ESR1: variants seen among roughly 807,000 people sequenced by gnomAD.
The protein encoded by ESR1 is estrogen receptor 1, also known as estrogen receptor.
Under a neutral mutation model 52.7 loss-of-function variants are expected in ESR1, and 12 were observed. The observed-to-expected ratio is 0.23, with a 90% CI of 0.15 to 0.37. ESR1 has a LOEUF of 0.37. Among genes scored for constraint, ESR1 ranks in the 10% least tolerant of loss-of-function variants. The pLI is 1.00. For missense variants in ESR1, 584 were observed against 779.7 expected, an observed-to-expected ratio of 0.75 and a Z score of 2.99; for synonymous variants, 305 against 316.8, an observed-to-expected ratio of 0.96 and a Z score of 0.39.
chr6:152,010,195 T>C (rs537012241), intron 4 of ESR1, among the ~76,000 whole-genome samples: 2 of 152,254 alleles, frequency 1.3e-5, no homozygotes, highest in African/African-American at 4.8e-5. Flanking sequence ...TGAAAGATGA[T>C]ACTTAAGCAT....
At chr6:151,675,567 A>T (rs1046105127) in intron 1 of ESR1, among the ~76,000 whole-genome samples, 5 of 152,148 alleles carry the variant, frequency 3.3e-5, no homozygotes, top group African/African-American at 1.2e-4. Flanking sequence ...AGTGTTACAA[A>T]AATGGTCACA....
At chr6:151,925,342 C>G (rs763238646) in intron 3 of ESR1, among the ~76,000 whole-genome samples, 57 of 152,176 alleles carry the variant, frequency 3.7e-4, no homozygotes, top group Non-Finnish European at 6.3e-4. Flanking sequence ...CGCAGTGGCT[C>G]ACGCCTGTAA....
chr6:152,008,808 C>G (rs967732389), intron 4 of ESR1, among the ~76,000 whole-genome samples: 1 of 151,588 alleles, frequency 6.6e-6, no homozygotes, highest in Admixed American at 6.6e-5. Flanking sequence ...AACATTTATG[C>G]AATAAGTTTA....
chr6:151,944,799 C>G (rs2035510793), intron 4 of ESR1, among the ~76,000 whole-genome samples: 1 of 152,172 alleles, frequency 6.6e-6, no homozygotes, highest in African/African-American at 2.4e-5. Flanking sequence ...CATGGTAAAA[C>G]TATTTAATAG....
chr6:151,997,081 C>CAA (rs148073416), intron 4 of ESR1, among the ~76,000 whole-genome samples: 41 of 145,158 alleles, frequency 2.8e-4, no homozygotes, highest in African/African-American at 8.1e-4. Context: ...AAAACAAAAA[C>CAA]AAAAAAAAAA....
chr6:151,948,725 A>G (rs2035990599), intron 4 of ESR1, among the ~76,000 whole-genome samples: 1 of 151,898 alleles, frequency 6.6e-6, no homozygotes, highest in Non-Finnish European at 1.5e-5. Context: ...GGGGTAGGCA[A>G]TCTCCTCTTT....
chr6:151,664,938 GAA>G (rs1777769559), intron 1 of ESR1, among the ~76,000 whole-genome samples: 1 of 152,194 alleles, frequency 6.6e-6, no homozygotes, highest in Non-Finnish European at 1.5e-5. Context: ...TTGGGTTTAT[GAA>G]GTATTTTTCC....
At chr6:151,709,648 AC>A (rs1318403633) in intron 2 of ESR1, among the ~76,000 whole-genome samples, 1 of 151,960 alleles carries the variant, frequency 6.6e-6, no homozygotes, top group Non-Finnish European at 1.5e-5. Flanking sequence ...TTTTCATAAT[AC>A]CCATTCTAAC....
chr6:151,990,951 A>C (rs2040953226), intron 4 of ESR1, among the ~76,000 whole-genome samples: 1 of 152,208 alleles, frequency 6.6e-6, no homozygotes, highest in African/African-American at 2.4e-5. Context: ...CACTAAAAAG[A>C]AAAATGACAA....
At chr6:151,763,729 C>T (rs1262191174) in intron 2 of ESR1, among the ~76,000 whole-genome samples, 2 of 152,158 alleles carry the variant, frequency 1.3e-5, no homozygotes, top group Admixed American at 1.3e-4. Context: ...AGCCCAGGTG[C>T]CTTTCTAAGA....
chr6:151,880,268 C>T (rs935131815), intron 2 of ESR1, among the ~76,000 whole-genome samples: 5 of 150,628 alleles, frequency 3.3e-5, no homozygotes, highest in Admixed American at 1.3e-4. Flanking sequence ...CTGCAACCTC[C>T]GCCTCCCGGG....
At chr6:152,044,735 A>G (rs6926520) in intron 5 of ESR1, among the ~76,000 whole-genome samples, 53,296 of 152,096 alleles carry the variant, frequency 0.35, 10,692 homozygotes, top group African/African-American at 0.53. Flanking sequence ...TAGTCCTTCC[A>G]TGTTCCTCTG....
At chr6:151,909,272 C>T (rs1418035953) in intron 3 of ESR1, among the ~76,000 whole-genome samples, 1 of 152,200 alleles carries the variant, frequency 6.6e-6, no homozygotes, top group Non-Finnish European at 1.5e-5. Flanking sequence ...TAGCCGTTTA[C>T]AGCGAGGCAA....
At chr6:152,019,836 G>A (rs1418718524) in intron 5 of ESR1, among the ~76,000 whole-genome samples, 3 of 152,132 alleles carry the variant, frequency 2.0e-5, no homozygotes, top group Non-Finnish European at 2.9e-5. Context: ...AGTTTTAAGA[G>A]GGGGTTGGCC....
intron 1 of ESR1, among the ~76,000 whole-genome samples, chr6:151,836,133 G>T (rs915621743): frequency 6.6e-6 from 1 of 152,292 alleles, no homozygotes; most frequent in Non-Finnish European, 1.5e-5. Context: ...TTCAAAGAAA[G>T]ATAGGCAGAG....
chr6:151,928,754 C>T (rs1377007265), intron 3 of ESR1, among the ~76,000 whole-genome samples: 2 of 151,904 alleles, frequency 1.3e-5, no homozygotes. Flanking sequence ...TTTTGATGTT[C>T]TATTTTTATC....
intron 2 of ESR1, among the ~76,000 whole-genome samples, chr6:151,857,196 C>T (rs1382642333): frequency 6.6e-6 from 1 of 152,150 alleles, no homozygotes; most frequent in Non-Finnish European, 1.5e-5. Flanking sequence ...ATGGTAGTGT[C>T]TGTGCTGAAC....
At chr6:151,715,635 A>T (rs1780973201) in intron 2 of ESR1, among the ~76,000 whole-genome samples, 5 of 152,092 alleles carry the variant, frequency 3.3e-5, no homozygotes, top group Admixed American at 6.5e-5. Context: ...AGCTATTGAT[A>T]CTTGTGTATG....
At chr6:152,122,444 G>T in intron 6 of ESR1, 2 of 1,614,154 alleles carry the variant, frequency 1.2e-6, no homozygotes, top group Non-Finnish European at 1.7e-6. Flanking sequence ...GTTCAGAGTG[G>T]AGGAGGGCCA....
Sources: gnomAD v4.1 joint callset for allele counts (sites outside exome capture counted in the v4.1 genomes callset) on GRCh38, gnomAD v4.1.1 for gene constraint, MANE v1.5 for transcripts, NCBI Gene and HGNC (gene_info 2026-07-23, HGNC 2026-07-21) for gene names.